OSTN: variants seen among roughly 807,000 people sequenced by gnomAD.
OSTN encodes the protein osteocrin.
Under a neutral mutation model 12.0 loss-of-function variants are expected in OSTN, and 9 were observed. The ratio of observed to expected loss-of-function variants is 0.75; its 90% confidence interval spans 0.45 to 1.30. The LOEUF is 1.30. OSTN is among the 50% of genes most tolerant of loss of function. OSTN has a pLI of 0.00. For synonymous variants in OSTN, 59 were observed against 56.9 expected (o/e 1.04, Z -0.16); for missense variants, 148 against 152.3 (o/e 0.97, Z 0.15).
chr3:191,230,090 A>AAATG (rs918343906), intron 3 of OSTN, among the ~76,000 whole-genome samples: 1 of 151,726 alleles, frequency 6.6e-6, no homozygotes, highest in African/African-American at 2.4e-5. Flanking sequence ...ATAAATAAAT[A>AAATG]AATAAATAAA....
chr3:191,215,442 T>A (rs1280408031), intron 2 of OSTN, among the ~76,000 whole-genome samples: 1 of 152,216 alleles, frequency 6.6e-6, no homozygotes, highest in Non-Finnish European at 1.5e-5. Flanking sequence ...TCCAAAGTCT[T>A]AACTTATTCC....
chr3:191,255,073 G>C lies in OSTN; in HGVS notation c.*12+4940G>C, dbSNP rs78116400. 2.7e-4 allele frequency among the ~76,000 whole-genome samples: 41 copies of C among 152,316 alleles called. No individual in the cohort carries two copies. In the East Asian group the frequency reaches 7.7e-3, roughly 29 times the overall value. ...CAATTTTTCCAAGGACCAGGGGGCA[G>C]GGGAGGAAATGGTTTTGGGATGAAG... On this transcript the variant is annotated intron_variant, in intron 4 of 4. Coordinates refer to ENST00000682035, the MANE Select transcript of OSTN (RefSeq NM_198184.2).
chr3:191,238,595 G>A (rs552394034), intron 3 of OSTN, among the ~76,000 whole-genome samples: 35 of 152,364 alleles, frequency 2.3e-4, no homozygotes, highest in African/African-American at 7.5e-4. Flanking sequence ...AAGGAAGGCA[G>A]TAGTATTGAC....
chr3:191,220,904 A>C (rs35329870), intron 3 of OSTN, among the ~76,000 whole-genome samples: 56 of 151,862 alleles, frequency 3.7e-4, no homozygotes, highest in Non-Finnish European at 5.0e-4. Context: ...TTACATTGAA[A>C]CTTCACCACA....
At chr3:191,216,844 A>G (rs1026821616) in intron 2 of OSTN, among the ~76,000 whole-genome samples, 3 of 152,206 alleles carry the variant, frequency 2.0e-5, no homozygotes, top group African/African-American at 7.2e-5. Flanking sequence ...GTGTCTAGGA[A>G]GTTTCAAACT....
rs543155124 is a variant in OSTN, at chr3:191,219,332, T to C, written c.317+371T>C. Among the ~76,000 whole-genome samples, 123 of 152,370 alleles carry C rather than the reference T, an allele frequency of 8.1e-4. 1 individual carries two copies. The highest frequency in any genetic ancestry group is 2.8e-3 in the African/African-American group (117 of 41,592). ...TACTAGAGGTAACAGGAATACCCTTTGGTTTTTACCTGTGATGCAAACCGT... is the reference window on the plus strand; with the variant it reads ...TACTAGAGGTAACAGGAATACCCTTCGGTTTTTACCTGTGATGCAAACCGT... On this transcript the variant is annotated intron_variant, in intron 3 of 4. Transcript: ENST00000682035.
At chr3:191,253,927 A>G (rs1257248872) in intron 4 of OSTN, among the ~76,000 whole-genome samples, 1 of 152,258 alleles carries the variant, frequency 6.6e-6, no homozygotes, top group Non-Finnish European at 1.5e-5. Flanking sequence ...AGCGTTTCAC[A>G]TATTAAAAGC....
intron 1 of OSTN, among the ~76,000 whole-genome samples, chr3:191,207,199 CTG>C (rs1714297282): frequency 6.6e-6 from 1 of 152,130 alleles, no homozygotes; most frequent in Admixed American, 6.5e-5. Flanking sequence ...TCAAAGGAGA[CTG>C]GAGTCTATTT....
At chr3:191,249,217 A>G (rs1356633404) in intron 3 of OSTN, among the ~76,000 whole-genome samples, 1 of 152,108 alleles carries the variant, frequency 6.6e-6, no homozygotes, top group Admixed American at 6.5e-5. Flanking sequence ...AAAGATTCAC[A>G]CTTCTCTTAA....
intron 3 of OSTN, among the ~76,000 whole-genome samples, chr3:191,228,141 C>T (rs917488064): frequency 3.9e-5 from 6 of 152,232 alleles, no homozygotes; most frequent in Non-Finnish European, 7.4e-5. Flanking sequence ...CATACTTTAG[C>T]TAATCAGAAT....
chr3:191,214,132 AAGAG>A lies in OSTN; in HGVS notation c.102+1504_102+1507del, dbSNP rs550031518. 2.2e-3 allele frequency among the ~76,000 whole-genome samples: 330 copies of A among 152,270 alleles called. 4 individuals carry two copies. Among genetic ancestry groups the A allele is most frequent in the Admixed American group, 0.02 (306 of 15,294 alleles). ...TAACAGTATTATGGGTGAAATAGAG[AAGAG>A]AGAGATTGGAGGTATCAAAGCAAAT... On this transcript the variant is annotated intron_variant, in intron 2 of 4. Coordinates refer to ENST00000682035, the MANE Select transcript of OSTN (RefSeq NM_198184.2).
At chr3:191,260,720 T>C (rs1426254107) in intron 4 of OSTN, among the ~76,000 whole-genome samples, 1 of 152,156 alleles carries the variant, frequency 6.6e-6, no homozygotes, top group Non-Finnish European at 1.5e-5. Context: ...CTTCGGGTGA[T>C]GGAGACCAGG....
Position 191,262,946 on chromosome 3 carries a change from T to G in OSTN, c.*93T>G. The G allele has an allele frequency of 1.4e-6, 1 of 698,870 alleles. No homozygotes were observed. The highest frequency in any genetic ancestry group is 2.6e-6 in the Non-Finnish European group (1 of 382,362). 43.3% of individuals were successfully genotyped at this position (698,870 alleles called of 1,614,324 possible). On this transcript the variant is annotated 3_prime_UTR_variant, in exon 5 of 5. Transcript: ENST00000682035. ...TATTCACACTTCTTAATGATTAAAC[T>G]TTTAAGGAACTGACCTTCTGCAAAT...
At chr3:191,249,818 C>T (rs1374889876) in intron 3 of OSTN, among the ~76,000 whole-genome samples, 2 of 152,138 alleles carry the variant, frequency 1.3e-5, no homozygotes, top group African/African-American at 4.8e-5. Context: ...CTCTAAGCCT[C>T]AGTTTCCTCA....
At chr3:191,203,939 GT>G (rs1232405171) in intron 1 of OSTN, among the ~76,000 whole-genome samples, 1 of 152,188 alleles carries the variant, frequency 6.6e-6, no homozygotes, top group African/African-American at 2.4e-5. Flanking sequence ...CCAAGCTGGA[GT>G]GCAATGGCGC....
At chr3:191,214,548 A>T (rs1290141782) in intron 2 of OSTN, among the ~76,000 whole-genome samples, 1 of 151,700 alleles carries the variant, frequency 6.6e-6, no homozygotes, top group East Asian at 1.9e-4. Flanking sequence ...GACTTAGGGC[A>T]CATATGACTG....
chr3:191,217,243 A>G (rs1416660015), intron 2 of OSTN: 1 of 152,236 alleles, frequency 6.6e-6, no homozygotes, highest in African/African-American at 2.4e-5. Context: ...GAACCACAGG[A>G]GAGAAACTGC....
chr3:191,205,545 C>A (rs115584610), intron 1 of OSTN, among the ~76,000 whole-genome samples: 8 of 151,532 alleles, frequency 5.3e-5, no homozygotes, highest in African/African-American at 1.7e-4. Context: ...ATCAAAAATT[C>A]GTATTTTGTC....
intron 4 of OSTN, among the ~76,000 whole-genome samples, chr3:191,254,952 A>G (rs1313352123): frequency 1.3e-5 from 2 of 152,174 alleles, no homozygotes; most frequent in Non-Finnish European, 2.9e-5. Context: ...TCAGGGTCCT[A>G]AAATAACTTG....
Sources: allele counts gnomAD v4.1 joint callset (sites outside exome capture counted in the v4.1 genomes callset), GRCh38; gene constraint gnomAD v4.1.1; transcripts MANE v1.5; gene names NCBI Gene and HGNC (gene_info 2026-07-23, HGNC 2026-07-21).